ALPK1: variants seen among roughly 807,000 people sequenced by gnomAD.
ALPK1 encodes the protein alpha kinase 1, also known as alpha-protein kinase 1.
Under a neutral mutation model 120.6 loss-of-function variants are expected in ALPK1, and 110 were observed. The observed-to-expected ratio is 0.91, with a 90% CI of 0.78 to 1.07. The LOEUF (loss-of-function observed/expected upper bound fraction) is 1.07, where lower values mean the gene tolerates loss of function less well. Among genes scored for constraint, ALPK1 ranks in the 50% least tolerant of loss-of-function variants. ALPK1 has a pLI of 0.00. For synonymous variants in ALPK1, 582 were observed against 560.3 expected, an observed-to-expected ratio of 1.04 and a Z score of -0.55; for missense variants, 1,498 against 1,483.9, an observed-to-expected ratio of 1.01 and a Z score of -0.16.
chr4:112,378,991 C>G (rs12645550), intron 3 of ALPK1, among the ~76,000 whole-genome samples: 8,197 of 152,298 alleles, frequency 0.054, 544 homozygotes, highest in African/African-American at 0.15. Flanking sequence ...TGAGATCACT[C>G]TCACAGATGT....
chr4:112,345,089 C>T (rs573184603), intron 2 of ALPK1, among the ~76,000 whole-genome samples: 1 of 152,112 alleles, frequency 6.6e-6, no homozygotes, highest in Admixed American at 6.5e-5. Flanking sequence ...GTGTTGGTTT[C>T]GGTAAAAGTA....
intron 1 of ALPK1, among the ~76,000 whole-genome samples, chr4:112,301,595 T>C (rs1190753807): frequency 6.6e-6 from 1 of 152,198 alleles, no homozygotes. Context: ...AAGTGACCTC[T>C]GATCACCTTA....
At chr4:112,423,108 A>G (rs539645011) in intron 5 of ALPK1, among the ~76,000 whole-genome samples, 1 of 152,306 alleles carries the variant, frequency 6.6e-6, no homozygotes, top group African/African-American at 2.4e-5. Context: ...TACCACAGCC[A>G]GAGTGTATGT....
At chr4:112,357,337 C>G (rs1730680610) in intron 2 of ALPK1, 1 of 816,804 alleles carries the variant, frequency 1.2e-6, no homozygotes, top group African/African-American at 1.7e-5. Flanking sequence ...TCAGTGTAGA[C>G]CCCTCCGAGA....
intron 2 of ALPK1, among the ~76,000 whole-genome samples, chr4:112,361,508 C>T (rs1429922696): frequency 6.6e-6 from 1 of 152,160 alleles, no homozygotes; most frequent in Non-Finnish European, 1.5e-5. Flanking sequence ...CCCCTGGGAG[C>T]ATAACTTCAT....
intron 1 of ALPK1, among the ~76,000 whole-genome samples, chr4:112,314,783 G>A (rs1430434580): frequency 3.3e-5 from 5 of 152,010 alleles, no homozygotes; most frequent in Non-Finnish European, 7.4e-5. Flanking sequence ...GACCTAGGAT[G>A]GTGGTTTAGG....
chr4:112,314,759 G>T (rs992084392), intron 1 of ALPK1, among the ~76,000 whole-genome samples: 18 of 151,892 alleles, frequency 1.2e-4, no homozygotes, highest in Non-Finnish European at 2.6e-4. Flanking sequence ...TGGCAGTTAA[G>T]AACAGGAGAC....
At position 112,392,585 on chromosome 4, in the gene ALPK1, G is replaced by A. The variant is rs139894490; in HGVS notation, c.276+10033G>A. Among the ~76,000 whole-genome samples, 236 of 152,296 alleles carry A rather than the reference G, an allele frequency of 1.5e-3. 3 individuals carry two copies. The highest frequency in any genetic ancestry group is 4.0e-3 in the Admixed American group (61 of 15,290). ...TGCCCAGGCTGCAGTGCAGTACAGT[G>A]GTACAATTTTGGCTGACTGTAACCT... On this transcript the variant is annotated intron_variant, in intron 4 of 15. Coordinates refer to ENST00000650871, the MANE Select transcript of ALPK1 (RefSeq NM_025144.4).
intron 1 of ALPK1, among the ~76,000 whole-genome samples, chr4:112,304,510 G>C (rs1429646435): frequency 1.3e-5 from 2 of 152,074 alleles, no homozygotes; most frequent in Non-Finnish European, 2.9e-5. Flanking sequence ...GTGATGATGA[G>C]CATTTTTTCA....
At chr4:112,299,373 A>G (rs1727688880) in intron 1 of ALPK1, among the ~76,000 whole-genome samples, 1 of 152,174 alleles carries the variant, frequency 6.6e-6, no homozygotes, top group Non-Finnish European at 1.5e-5. Context: ...AAACTTCAAA[A>G]TTTTGAGTTA....
At chr4:112,413,932 C>T (rs1217140213) in intron 5 of ALPK1, among the ~76,000 whole-genome samples, 1 of 152,146 alleles carries the variant, frequency 6.6e-6, no homozygotes, top group Admixed American at 6.5e-5. Flanking sequence ...TCCTCAAAGA[C>T]ACTATTAAAA....
intron 9 of ALPK1, among the ~76,000 whole-genome samples, 167 bp from the exon 10 acceptor site, chr4:112,428,982 C>A (rs185534701): frequency 6.6e-6 from 1 of 152,222 alleles, no homozygotes; most frequent in Non-Finnish European, 1.5e-5. Flanking sequence ...AAAGTCAACA[C>A]CTTGTGGTCT....
intron 4 of ALPK1, among the ~76,000 whole-genome samples, chr4:112,389,100 A>G (rs1252791192): frequency 6.7e-6 from 1 of 149,664 alleles, no homozygotes; most frequent in African/African-American, 2.5e-5. Flanking sequence ...GCTGGAGTGC[A>G]ATGGCGTGAT....
chr4:112,360,595 T>C (rs1159589137), intron 2 of ALPK1, among the ~76,000 whole-genome samples: 2 of 152,232 alleles, frequency 1.3e-5, no homozygotes, highest in African/African-American at 4.8e-5. Flanking sequence ...ATTGCTTAGA[T>C]TTTGCCAATA....
At chr4:112,360,704 G>A (rs1282563956) in intron 2 of ALPK1, among the ~76,000 whole-genome samples, 1 of 152,160 alleles carries the variant, frequency 6.6e-6, no homozygotes, top group East Asian at 1.9e-4. Flanking sequence ...TTTGTTTAGT[G>A]AGGATCTATT....
In ALPK1 at chr4:112,431,614, G is replaced by C; in HGVS notation, c.2067G>C (p.Gly689=). Residue 689 remains glycine, a synonymous_variant, in exon 11 of 16, where the codon GGG becomes GGC. Coordinates refer to ENST00000650871, the MANE Select transcript of ALPK1 (RefSeq NM_025144.4). Reference sequence around the variant, plus strand: ...GCATTTTCTTGGCCCCTGGTGCAGGGCTTCTAGAAGGAGCTCCAGAAGGTA... The same window carrying C: ...GCATTTTCTTGGCCCCTGGTGCAGGCCTTCTAGAAGGAGCTCCAGAAGGTA... ...TPGIFLAPGA[G]LLEGAPEGIQ... is the part of the protein sequence containing the mutation. 1 of 1,614,172 alleles carries C rather than the reference G, an allele frequency of 6.2e-7. No homozygotes were observed. Among genetic ancestry groups the C allele is most frequent in the Non-Finnish European group, 8.5e-7 (1 of 1,180,038 alleles).
intron 4 of ALPK1, among the ~76,000 whole-genome samples, chr4:112,402,364 G>A (rs551831521): frequency 1.5e-3 from 225 of 152,334 alleles, no homozygotes; most frequent in African/African-American, 4.9e-3. Flanking sequence ...GCTCAGCATC[G>A]GGAGGGGCTG....
intron 7 of ALPK1, chr4:112,425,973 G>A: frequency 2.5e-6 from 1 of 394,794 alleles, no homozygotes; most frequent in Admixed American, 4.0e-5. Context: ...GTTCACGGTT[G>A]TATATTGTAA....
chr4:112,341,471 A>G (rs1432662872), intron 2 of ALPK1, among the ~76,000 whole-genome samples: 2 of 152,250 alleles, frequency 1.3e-5, no homozygotes, highest in Non-Finnish European at 2.9e-5. Context: ...TGGGAGAGAA[A>G]GGAAGTGCTT....
Sources: gnomAD v4.1 joint callset for allele counts (sites outside exome capture counted in the v4.1 genomes callset) on GRCh38, gnomAD v4.1.1 for gene constraint, MANE v1.5 for transcripts, NCBI Gene and HGNC (gene_info 2026-07-23, HGNC 2026-07-21) for gene names.